SEMA5A: variants seen among roughly 807,000 people sequenced by gnomAD.
SEMA5A encodes semaphorin 5A, also known as semaphorin-5A.
A neutral mutation model predicts 135.5 loss-of-function variants in SEMA5A; 55 were observed. The ratio of observed to expected loss-of-function variants is 0.41; its 90% confidence interval spans 0.33 to 0.51. The LOEUF is 0.51. Ranked by LOEUF, SEMA5A falls within the 20% of genes least tolerant of loss-of-function variation. The probability of loss-of-function intolerance (pLI) is 0.37; values close to 1 mark genes in which losing one functional copy is unlikely to be tolerated. For missense variants in SEMA5A, 1,290 were observed against 1,419.9 expected, an observed-to-expected ratio of 0.91 and a Z score of 1.47; for synonymous variants, 580 against 546.5, an observed-to-expected ratio of 1.06 and a Z score of -0.85.
intron 1 of SEMA5A, among the ~76,000 whole-genome samples, chr5:9,443,379 G>A (rs2126684424): frequency 6.6e-6 from 1 of 152,230 alleles, no homozygotes; most frequent in Non-Finnish European, 1.5e-5. Context: ...AAAAGGAAGA[G>A]GGGGAAGAAA....
At chr5:9,130,697 C>A (rs1006803584) in intron 13 of SEMA5A, among the ~76,000 whole-genome samples, 1 of 152,212 alleles carries the variant, frequency 6.6e-6, no homozygotes, top group Non-Finnish European at 1.5e-5. Flanking sequence ...AACCTTAGTT[C>A]TCTTTTCTTT....
intron 2 of SEMA5A, among the ~76,000 whole-genome samples, chr5:9,418,546 G>A (rs950472086): frequency 2.6e-5 from 4 of 152,160 alleles, no homozygotes; most frequent in African/African-American, 9.7e-5. Context: ...CTCCCATGAT[G>A]GTAATCAAAG....
intron 2 of SEMA5A, among the ~76,000 whole-genome samples, chr5:9,409,896 A>G (rs984083916): frequency 9.8e-6 from 1 of 102,496 alleles, no homozygotes; most frequent in Non-Finnish European, 1.9e-5. Flanking sequence ...CAATGCCCCC[A>G]CCCCCACCGT....
At chr5:9,239,958 G>A (rs571474217) in intron 5 of SEMA5A, among the ~76,000 whole-genome samples, 12 of 152,056 alleles carry the variant, frequency 7.9e-5, no homozygotes, top group South Asian at 6.2e-4. Context: ...CAGATCCTGC[G>A]GCTGAAATGG....
chr5:9,279,702 T>G (rs114635412), intron 5 of SEMA5A, among the ~76,000 whole-genome samples: 1,725 of 152,124 alleles, frequency 0.011, 34 homozygotes, highest in African/African-American at 0.039. Flanking sequence ...TCTCATGAGA[T>G]CTGATGGTTT....
chr5:9,281,286 T>A (rs1369744035), intron 5 of SEMA5A, among the ~76,000 whole-genome samples: 1 of 152,218 alleles, frequency 6.6e-6, no homozygotes, highest in East Asian at 1.9e-4. Flanking sequence ...AAATACCTAA[T>A]TCAATCCAGC....
At chr5:9,197,799 TTTG>T (rs1374222441) in intron 9 of SEMA5A, among the ~76,000 whole-genome samples, 1 of 150,972 alleles carries the variant, frequency 6.6e-6, no homozygotes, top group Non-Finnish European at 1.5e-5. Flanking sequence ...AACCCAGATA[TTTG>T]TTTTATTTGT....
chr5:9,257,758 TG>T (rs1749156379), intron 5 of SEMA5A, among the ~76,000 whole-genome samples: 1 of 151,994 alleles, frequency 6.6e-6, no homozygotes, highest in Admixed American at 6.6e-5. Flanking sequence ...ATCAAGGTGG[TG>T]GTCAGGGCTT....
chr5:9,264,309 A>G (rs1749561375), intron 5 of SEMA5A, among the ~76,000 whole-genome samples: 1 of 152,208 alleles, frequency 6.6e-6, no homozygotes, highest in South Asian at 2.1e-4. Context: ...GAGGAAAAGA[A>G]AGGAAAAAGA....
At chr5:9,297,705 C>T (rs559451483) in intron 5 of SEMA5A, among the ~76,000 whole-genome samples, 2 of 146,014 alleles carry the variant, frequency 1.4e-5, no homozygotes, top group African/African-American at 5.1e-5. Context: ...CAGGTACATG[C>T]CACCATGTCA....
intron 4 of SEMA5A, among the ~76,000 whole-genome samples, chr5:9,323,140 C>G (rs1435531093): frequency 6.6e-6 from 1 of 152,112 alleles, no homozygotes; most frequent in Non-Finnish European, 1.5e-5. Flanking sequence ...AAGAATATCC[C>G]TATTTCTTAA....
chr5:9,157,942 A>G (rs1249471846), intron 11 of SEMA5A, among the ~76,000 whole-genome samples: 2 of 152,170 alleles, frequency 1.3e-5, no homozygotes, highest in East Asian at 3.9e-4. Flanking sequence ...ACTTTACAAC[A>G]TTTACCATGG....
chr5:9,125,834 C>A (rs1021677080), intron 13 of SEMA5A, among the ~76,000 whole-genome samples: 1 of 148,020 alleles, frequency 6.8e-6, no homozygotes, highest in Non-Finnish European at 1.5e-5. Context: ...AAGACCCTAC[C>A]ATTTGGGATT....
intron 17 of SEMA5A, among the ~76,000 whole-genome samples, chr5:9,066,005 T>C (rs1236350514): frequency 2.0e-5 from 3 of 152,226 alleles, no homozygotes; most frequent in African/African-American, 7.2e-5. Context: ...CTTTTATAGG[T>C]ACAAAGAGAA....
chr5:9,542,386 T>C (rs1300971416), intron 1 of SEMA5A, among the ~76,000 whole-genome samples: 2 of 152,248 alleles, frequency 1.3e-5, no homozygotes, highest in African/African-American at 4.8e-5. Flanking sequence ...TGTTGTCAAC[T>C]GTACTCAAGA....
Position 9,136,539 on chromosome 5 carries a change from T to C in SEMA5A, c.1564A>G (p.Met522Val). 2 of 1,614,170 alleles carry C rather than the reference T, an allele frequency of 1.2e-6. No individual in the cohort carries two copies. Among genetic ancestry groups the C allele is most frequent in the Non-Finnish European group, 1.7e-6 (2 of 1,180,028 alleles). The change falls in exon 13 of 23, where the codon ATG (methionine) becomes GTG (valine). Residue 522 changes from methionine (M) to valine (V), a missense_variant. Around this residue, in one of 3 missense-constraint regions of SEMA5A, gnomAD observed 1,029 missense variants for 1,086.6 expected, o/e 0.95. Coordinates refer to ENST00000382496, the MANE Select transcript of SEMA5A (RefSeq NM_003966.3). Reference protein sequence around the residue: ...KCTSLEESLSMTQWEQSISAC... With the variant: ...KCTSLEESLSVTQWEQSISAC... ...GAGATGCTCTGTTCCCACTGCGTCA[T>C]GCTCAGGCTCTCCTCCAGGCTTGTG...
At chr5:9,210,607 A>G (rs146956287) in intron 8 of SEMA5A, among the ~76,000 whole-genome samples, 157 of 152,306 alleles carry the variant, frequency 1.0e-3, no homozygotes, top group African/African-American at 3.7e-3. Flanking sequence ...TAAAGTGCCA[A>G]CTAAACAAAG....
chr5:9,286,161 T>C (rs1750786081), intron 5 of SEMA5A, among the ~76,000 whole-genome samples: 1 of 152,170 alleles, frequency 6.6e-6, no homozygotes, highest in Admixed American at 6.5e-5. Context: ...ATTGACTAAA[T>C]ATACTTGCTA....
chr5:9,522,905 A>G (rs548771005), intron 1 of SEMA5A: 1 of 152,300 alleles, frequency 6.6e-6, no homozygotes, highest in South Asian at 2.1e-4. Flanking sequence ...AGCTCTTCAT[A>G]ATGTTATTAA....
Sources: allele counts gnomAD v4.1 joint callset (sites outside exome capture counted in the v4.1 genomes callset), GRCh38; gene constraint gnomAD v4.1.1; regional missense constraint gnomAD v4.1.1; transcripts MANE v1.5; gene names NCBI Gene and HGNC (gene_info 2026-07-23, HGNC 2026-07-21).